Variants in BIN3 observed in about 807,000 individuals in gnomAD.
BIN3 encodes the protein bridging integrator 3.
BIN3 carries 41 observed loss-of-function variants against 38.2 expected under a neutral mutation model. The ratio of observed to expected loss-of-function variants is 1.07; its 90% CI spans 0.84 to 1.39. BIN3 has a LOEUF of 1.39. BIN3 is among the 40% of genes most tolerant of loss of function. The pLI, the probability that BIN3 is intolerant of heterozygous loss-of-function variation, is 0.00. For missense variants in BIN3, 361 were observed against 324.3 expected (o/e 1.11, Z -0.87); for synonymous variants, 145 against 122.6 (o/e 1.18, Z -1.21).
intron 4 of BIN3, among the ~76,000 whole-genome samples, chr8:22,632,035 C>G (rs1463996046): frequency 2.6e-5 from 4 of 152,244 alleles, no homozygotes; most frequent in Non-Finnish European, 5.9e-5. Context: ...GAATGCATTT[C>G]TTACCATATG....
chr8:22,667,314 A>C (rs1186762218), intron 1 of BIN3, among the ~76,000 whole-genome samples: 1 of 152,204 alleles, frequency 6.6e-6, no homozygotes. Flanking sequence ...TCAGAAGGGA[A>C]ACTTTCTGTG....
chr8:22,644,848 A>G, intron 1 of BIN3, 45 bp from the exon 2 acceptor site: 1 of 1,551,898 alleles, frequency 6.4e-7, no homozygotes, highest in Non-Finnish European at 8.8e-7. Flanking sequence ...GAAGTGGGGA[A>G]GGATGCAGCT....
chr8:22,634,177 G>T (rs1049082102), intron 4 of BIN3, among the ~76,000 whole-genome samples: 4 of 152,194 alleles, frequency 2.6e-5, no homozygotes, highest in Non-Finnish European at 4.4e-5. Flanking sequence ...AGTGGGGACC[G>T]ATCAAGAAAA....
intron 6 of BIN3, 34 bp from the exon 7 acceptor site, chr8:22,624,397 C>A (rs1384510088): frequency 1.2e-6 from 2 of 1,600,522 alleles, no homozygotes; most frequent in Admixed American, 1.7e-5. Flanking sequence ...TGGGCCCGTT[C>A]TTGAAGGGGT....
At chr8:22,634,174 A>C (rs935535971) in intron 4 of BIN3, among the ~76,000 whole-genome samples, 2 of 152,214 alleles carry the variant, frequency 1.3e-5, no homozygotes, top group Non-Finnish European at 2.9e-5. Flanking sequence ...GGCAGTGGGG[A>C]CCGATCAAGA....
Position 22,669,077 on chromosome 8 carries a change from G to C in BIN3, c.-26C>G, listed in dbSNP as rs752586052. On this transcript the variant is annotated 5_prime_UTR_variant, in exon 1 of 9. Transcript: ENST00000276416. The stretch of plus-strand genomic sequence containing the variant: ...GGTCCCGAACCTGCGTCTGCCGCCG[G>C]GGTCCTCAGCCACAACTCGTTTCTC... The C allele has an allele frequency of 1.5e-5, 24 of 1,591,076 alleles. No individual in the cohort carries two copies. The highest frequency in any genetic ancestry group is 1.7e-5 in the Non-Finnish European group (20 of 1,169,084).
At chr8:22,646,032 T>C (rs942898350) in intron 1 of BIN3, among the ~76,000 whole-genome samples, 2 of 152,232 alleles carry the variant, frequency 1.3e-5, no homozygotes, top group African/African-American at 2.4e-5. Context: ...AGCATTAGCC[T>C]GGCCTCCGCT....
intron 1 of BIN3, among the ~76,000 whole-genome samples, chr8:22,648,429 T>C (rs1306990221): frequency 1.5e-5 from 1 of 66,132 alleles, no homozygotes; most frequent in Admixed American, 2.0e-4. Context: ...CTGCTTTTGA[T>C]GACCATGCCA....
chr8:22,621,580 G>A lies in BIN3; in HGVS notation c.616-12C>T, dbSNP rs189670247. 794 of 1,612,912 alleles carry A rather than the reference G, an allele frequency of 4.9e-4. 4 individuals carry two copies. The African/African-American group carries it at 7.7e-3, about 16-fold the overall frequency. On this transcript the variant is annotated splice_polypyrimidine_tract_variant and intron_variant, in intron 8 of 8. Transcript: ENST00000276416. ...GAGTAGTACACAACCTGGGGGAGGC[G>A]ACAGGGGTTGGCACGTGCTGGCTCC...
In BIN3 at chr8:22,628,230, G is replaced by A. The variant is rs531610428; in HGVS notation, c.338+1734C>T. Among the ~76,000 whole-genome samples, 135 of 152,348 alleles carry A rather than the reference G, an allele frequency of 8.9e-4. 4 individuals are homozygous for A. The South Asian group carries it at 9.1e-3, about 10-fold the overall frequency. Reference sequence around the variant, plus strand: ...ATCCGACATGTGAATACGGCCCAGAGACTGGGGATTAGAGGCCGAGCCCCT... The same window carrying A: ...ATCCGACATGTGAATACGGCCCAGAAACTGGGGATTAGAGGCCGAGCCCCT... On this transcript the variant is annotated intron_variant, in intron 6 of 8. Transcript: ENST00000276416.
Position 22,636,521 on chromosome 8 carries a change from C to A in BIN3, c.160+4G>T. On this transcript the variant is annotated splice_donor_region_variant and intron_variant, in intron 4 of 8. Coordinates refer to ENST00000276416, the MANE Select transcript of BIN3 (RefSeq NM_018688.6). ...GCGAGTGGTGCGGGTGGAAAGTCAC[C>A]TACCCAGGTCTGCGTCGGTGCTCTT... 3 of 1,552,168 alleles carry A rather than the reference C, an allele frequency of 1.9e-6. No homozygotes were observed. The highest frequency in any genetic ancestry group is 2.6e-6 in the Non-Finnish European group (3 of 1,147,348).
rs1456686724 is a variant in BIN3, at chr8:22,638,731, G to T, written c.58-1769C>A. On this transcript the variant is annotated intron_variant, in intron 2 of 8. Transcript: ENST00000276416. ...TAAAATCCAGAAGCAGGAAAAAAAT[G>T]ATCTTTTCCTTACTTTATGATCCTA... Among the ~76,000 whole-genome samples, 7 of 152,260 alleles carry T rather than the reference G, an allele frequency of 4.6e-5. No homozygotes were observed. The East Asian group carries it at 1.2e-3, about 25-fold the overall frequency.
Position 22,669,043 on chromosome 8 carries a change from C to G in BIN3, c.8+1G>C. 1 of 1,588,468 alleles carries G rather than the reference C, an allele frequency of 6.3e-7. No homozygotes were observed. Among genetic ancestry groups the G allele is most frequent in the Non-Finnish European group, 8.6e-7 (1 of 1,168,026 alleles). ...GCTCCCGCCGCCTGGGCCTCACTCA[C>G]CAGCTCATGGTCCCGAACCTGCGTC... On this transcript the variant is annotated splice_donor_variant, in intron 1 of 8. Coordinates refer to ENST00000276416, the MANE Select transcript of BIN3 (RefSeq NM_018688.6). LOFTEE classifies it high-confidence loss of function.
intron 4 of BIN3, 37 bp from the exon 5 acceptor site, chr8:22,630,615 G>C: frequency 6.2e-7 from 1 of 1,611,330 alleles, no homozygotes; most frequent in Non-Finnish European, 8.5e-7. Flanking sequence ...CTTCTATGAA[G>C]GGGCAGGTTT....
chr8:22,661,355 T>TTTTTC, intron 1 of BIN3, among the ~76,000 whole-genome samples: 1 of 124,496 alleles, frequency 8.0e-6, no homozygotes, highest in Non-Finnish European at 1.7e-5. Flanking sequence ...TATCATTCTT[T>TTTTTC]TTTTTTTTTT....
intron 1 of BIN3, 94 bp from the exon 2 acceptor site, chr8:22,644,897 G>C (rs1802667463): frequency 4.4e-6 from 5 of 1,143,166 alleles, no homozygotes; most frequent in East Asian, 5.2e-5. Context: ...TCCCCCAGGA[G>C]GGCGAGGAAG....
At chr8:22,634,511 G>C (rs542245345) in intron 4 of BIN3, 1 of 456,302 alleles carries the variant, frequency 2.2e-6, no homozygotes, top group East Asian at 6.9e-5. Flanking sequence ...TCAGTAACTG[G>C]CTGAGGCTTA....
rs529143271 is a variant in BIN3 at position 22,624,382 on chromosome 8, G to A, written c.339-19C>T. On this transcript the variant is annotated intron_variant, in intron 6 of 8. Transcript: ENST00000276416. ...GCCGAACCTGTGGGACAAGCTGGCT[G>A]GAGATGGGCCCGTTCTTGAAGGGGT... is the stretch of plus-strand genomic sequence containing the variant. 9.3e-6 allele frequency: 15 copies of A among 1,608,880 alleles called. No homozygotes were observed. Among genetic ancestry groups the A allele is most frequent in the South Asian group, 7.7e-5 (7 of 90,448 alleles).
Position 22,636,976 on chromosome 8 carries a change from G to A in BIN3, c.58-14C>T. The A allele has an allele frequency of 6.2e-7, 1 of 1,611,674 alleles. No homozygotes were observed. ...GTCTCTCTCCACCTGAAACGAGAGA[G>A]ATAACTCAATTATCGGAGAAATGAC... On this transcript the variant is annotated splice_polypyrimidine_tract_variant and intron_variant, in intron 2 of 8. Transcript: ENST00000276416.
Sources: gnomAD v4.1 joint callset for allele counts (sites outside exome capture counted in the v4.1 genomes callset) on GRCh38, gnomAD v4.1.1 for gene constraint, MANE v1.5 for transcripts, NCBI Gene and HGNC (gene_info 2026-07-23, HGNC 2026-07-21) for gene names.